Variants in AFG2A observed in about 807,000 individuals in gnomAD.
The protein encoded by AFG2A is AAA ATPase AFG2A.
At chr4:123,273,721 G>T in the AFG2A span, among the ~76,000 whole-genome samples, 148 of 152,112 alleles carry the variant, frequency 9.7e-4, 1 homozygote, top group Admixed American at 3.9e-4. Flanking sequence ...TCATGCACAC[G>T]ATTATTTATT....
chr4:123,256,122 G>A, the AFG2A span: 1 of 1,614,178 alleles, frequency 6.2e-7, no homozygotes, highest in Non-Finnish European at 8.5e-7. Flanking sequence ...ATGCCTGTCA[G>A]TAATGAAGTT....
the AFG2A span, among the ~76,000 whole-genome samples, chr4:123,290,590 T>C: frequency 6.6e-6 from 1 of 152,216 alleles, no homozygotes; most frequent in African/African-American, 2.4e-5. Flanking sequence ...GGACCCACAG[T>C]TCCATGTGGC....
chr4:123,253,571 G>A, the AFG2A span, among the ~76,000 whole-genome samples: 2 of 152,042 alleles, frequency 1.3e-5, no homozygotes, highest in Non-Finnish European at 2.9e-5. Flanking sequence ...TATCACTTGA[G>A]TGCAGGAGGT....
the AFG2A span, among the ~76,000 whole-genome samples, chr4:123,060,150 C>G: frequency 1.3e-5 from 2 of 152,238 alleles, no homozygotes; most frequent in African/African-American, 2.4e-5. Flanking sequence ...AGGGTACAGC[C>G]TCCCTCTGGC....
At chr4:123,239,829 A>G in the AFG2A span, among the ~76,000 whole-genome samples, 3 of 152,216 alleles carry the variant, frequency 2.0e-5, no homozygotes, top group Admixed American at 6.5e-5. Context: ...ACACATAACA[A>G]TACTAACCTT....
the AFG2A span, among the ~76,000 whole-genome samples, chr4:123,031,094 A>G: frequency 6.6e-6 from 1 of 152,144 alleles, no homozygotes; most frequent in South Asian, 2.1e-4. Flanking sequence ...TTTTAAAGTA[A>G]CAATACCATA....
At chr4:123,151,533 G>A in the AFG2A span, among the ~76,000 whole-genome samples, 1 of 152,138 alleles carries the variant, frequency 6.6e-6, no homozygotes, top group Non-Finnish European at 1.5e-5. Flanking sequence ...AAGAAAAAAA[G>A]GTCATCACTG....
chr4:123,175,953 G>A, the AFG2A span, among the ~76,000 whole-genome samples: 1 of 152,184 alleles, frequency 6.6e-6, no homozygotes, highest in Non-Finnish European at 1.5e-5. Context: ...TTAGCAAGAG[G>A]ATGTTAGGAG....
At chr4:123,119,399 C>T in the AFG2A span, among the ~76,000 whole-genome samples, 5 of 152,232 alleles carry the variant, frequency 3.3e-5, no homozygotes, top group Middle Eastern at 3.4e-3. Flanking sequence ...GAGGAGGGTG[C>T]GCATAGCAGA....
the AFG2A span, among the ~76,000 whole-genome samples, chr4:123,117,254 T>G: frequency 6.6e-6 from 1 of 151,958 alleles, no homozygotes; most frequent in Middle Eastern, 3.2e-3. Context: ...AAAGGAGCTC[T>G]TGAACCTCCG....
the AFG2A span, among the ~76,000 whole-genome samples, chr4:123,182,480 A>G: frequency 6.6e-6 from 1 of 152,204 alleles, no homozygotes; most frequent in Non-Finnish European, 1.5e-5. Context: ...TGCCTCCCAC[A>G]TAGTAGGCAC....
chr4:123,059,930 T>C, the AFG2A span, among the ~76,000 whole-genome samples: 23 of 152,200 alleles, frequency 1.5e-4, no homozygotes, highest in Non-Finnish European at 3.2e-4. Flanking sequence ...TTTCATGTGT[T>C]TTTTGGCTGC....
chr4:123,308,921 T>C, the AFG2A span, among the ~76,000 whole-genome samples: 3 of 152,152 alleles, frequency 2.0e-5, no homozygotes, highest in African/African-American at 7.2e-5. Flanking sequence ...TGGCCTTCCT[T>C]CTGTCTCTCA....
chr4:123,081,036 C>G, the AFG2A span, among the ~76,000 whole-genome samples: 12 of 152,030 alleles, frequency 7.9e-5, no homozygotes. Flanking sequence ...AACACACAAC[C>G]TCCCCAGCTG....
At chr4:123,044,651 T>G in the AFG2A span, among the ~76,000 whole-genome samples, 363 of 152,026 alleles carry the variant, frequency 2.4e-3, no homozygotes, top group Non-Finnish European at 4.0e-3. Flanking sequence ...CAAAAATAAC[T>G]GAAATCCATG....
At chr4:123,004,005 A>G in the AFG2A span, among the ~76,000 whole-genome samples, 1 of 152,130 alleles carries the variant, frequency 6.6e-6, no homozygotes, top group African/African-American at 2.4e-5. Flanking sequence ...AGCGAGCCTG[A>G]GCAATGGCAG....
At chr4:122,955,552 G>A in the AFG2A span, among the ~76,000 whole-genome samples, 1 of 152,144 alleles carries the variant, frequency 6.6e-6, no homozygotes, top group Admixed American at 6.5e-5. Flanking sequence ...AATTTAGTAG[G>A]CTTTGAAGAC....
At chr4:123,013,882 C>T in the AFG2A span, among the ~76,000 whole-genome samples, 3 of 152,122 alleles carry the variant, frequency 2.0e-5, no homozygotes, top group Non-Finnish European at 4.4e-5. Context: ...TAGTCATACA[C>T]ACATATAGAA....
the AFG2A span, among the ~76,000 whole-genome samples, chr4:123,080,147 A>G: frequency 6.6e-6 from 1 of 152,098 alleles, no homozygotes; most frequent in South Asian, 2.1e-4. Context: ...CTAACCCCGA[A>G]TGTGATGGTA....
Sources: allele counts gnomAD v4.1 joint callset (sites outside exome capture counted in the v4.1 genomes callset), GRCh38; gene constraint gnomAD v4.1.1; transcripts MANE v1.5; gene names NCBI Gene and HGNC (gene_info 2026-07-23, HGNC 2026-07-21).